The following MYO3A variants were observed in gnomAD, a reference collection of about 807,000 sequenced individuals.
MYO3A encodes the protein myosin-IIIa.
Under a neutral mutation model 192.7 loss-of-function variants are expected in MYO3A, and 180 were observed. That is an observed-to-expected ratio of 0.93 (90% CI 0.83 to 1.06). MYO3A has a LOEUF of 1.06. MYO3A is among the 50% of genes least tolerant of loss of function. MYO3A has a pLI of 0.00. For synonymous variants in MYO3A, 628 were observed against 645.3 expected, an observed-to-expected ratio of 0.97 and a Z score of 0.41; for missense variants, 1,896 against 1,905.0, an observed-to-expected ratio of 1.00 and a Z score of 0.09.
intron 22 of MYO3A, among the ~76,000 whole-genome samples, chr10:26,147,046 T>C (rs1840505451): frequency 6.6e-6 from 1 of 152,202 alleles, no homozygotes; most frequent in South Asian, 2.1e-4. Context: ...AAATCTATCA[T>C]GGCCAATTCA....
chr10:26,108,680 G>A (rs543783540), intron 17 of MYO3A, among the ~76,000 whole-genome samples: 2 of 152,124 alleles, frequency 1.3e-5, no homozygotes, highest in African/African-American at 4.8e-5. Context: ...TCCAAATAGG[G>A]AAATTCTGCT....
At chr10:26,011,929 G>T (rs1483081915) in intron 6 of MYO3A, among the ~76,000 whole-genome samples, 1 of 152,188 alleles carries the variant, frequency 6.6e-6, no homozygotes, top group African/African-American at 2.4e-5. Flanking sequence ...TCCCAGGGAT[G>T]CAGGGATAGT....
chr10:26,126,217 C>G (rs1267574897), intron 19 of MYO3A, among the ~76,000 whole-genome samples: 1 of 152,102 alleles, frequency 6.6e-6, no homozygotes, highest in African/African-American at 2.4e-5. Flanking sequence ...TGAGTGCTCT[C>G]TATAGGCAGG....
At chr10:26,208,973 C>G (rs1844100274) in intron 34 of MYO3A, among the ~76,000 whole-genome samples, 1 of 152,204 alleles carries the variant, frequency 6.6e-6, no homozygotes, top group Non-Finnish European at 1.5e-5. Context: ...TAGGCAGCCC[C>G]TTAGTTACTT....
intron 10 of MYO3A, among the ~76,000 whole-genome samples, chr10:26,055,178 G>C (rs972207142): frequency 1.3e-5 from 2 of 152,036 alleles, no homozygotes; most frequent in Non-Finnish European, 2.9e-5. Context: ...TCTGGCCAAG[G>C]GTAGTGAAAG....
rs970316688 is a variant in MYO3A, at chr10:26,081,138, CCCCCCCCG to C, written c.1360-7059_1360-7052del. 3.1e-3 allele frequency among the ~76,000 whole-genome samples: 326 copies of C among 105,458 alleles called. 15 individuals carry two copies. The highest frequency in any genetic ancestry group is 6.6e-3 in the African/African-American group (219 of 32,934). 69.2% of individuals were successfully genotyped at this position (105,458 alleles called of 152,430 possible). A position where few individuals can be genotyped will look rare whatever the true frequency, so the allele number is the denominator to read the frequency against. ...TTCCCAAGATTATATGCCCTTCCCC[CCCCCCCCG>C]CCCCCGCTACCAGGGTGGGTAGGGA... is the stretch of plus-strand genomic sequence containing the variant. On this transcript the variant is annotated intron_variant, in intron 14 of 34. Coordinates refer to ENST00000642920, the MANE Select transcript of MYO3A (RefSeq NM_017433.5).
chr10:25,960,952 T>C (rs1564407069), intron 4 of MYO3A, among the ~76,000 whole-genome samples: 2 of 152,192 alleles, frequency 1.3e-5, no homozygotes, highest in Non-Finnish European at 2.9e-5. Context: ...TTTACTCATC[T>C]AAGCTTAGTT....
At chr10:26,006,874 C>G (rs921515036) in intron 6 of MYO3A, among the ~76,000 whole-genome samples, 1 of 151,276 alleles carries the variant, frequency 6.6e-6, no homozygotes, top group Non-Finnish European at 1.5e-5. Context: ...CTCCCTAACT[C>G]ATTTTATGAG....
chr10:26,018,737 G>C (rs554372105), intron 7 of MYO3A, among the ~76,000 whole-genome samples: 3 of 152,170 alleles, frequency 2.0e-5, no homozygotes, highest in Non-Finnish European at 4.4e-5. Flanking sequence ...TATGATTCTA[G>C]GACTACAAGC....
chr10:26,195,473 A>G (rs1217215168), intron 32 of MYO3A, among the ~76,000 whole-genome samples: 1 of 152,116 alleles, frequency 6.6e-6, no homozygotes, highest in Non-Finnish European at 1.5e-5. Flanking sequence ...ATTAATATCC[A>G]ATTATACTAT....
chr10:26,205,608 C>CTTTTTTTT (rs576007724), intron 34 of MYO3A, among the ~76,000 whole-genome samples: 36 of 68,614 alleles, frequency 5.2e-4, no homozygotes, highest in East Asian at 1.4e-3. Flanking sequence ...CTTTTCTTTT[C>CTTTTTTTT]TTTTTTTTTT....
intron 4 of MYO3A, among the ~76,000 whole-genome samples, chr10:25,993,839 A>G (rs963386898): frequency 5.3e-5 from 8 of 152,200 alleles, no homozygotes; most frequent in South Asian, 4.1e-4. Context: ...GAGTTTCTTA[A>G]TCCTGAGTTC....
intron 26 of MYO3A, among the ~76,000 whole-genome samples, chr10:26,164,645 C>T (rs1841642819): frequency 6.6e-6 from 1 of 152,120 alleles, no homozygotes; most frequent in South Asian, 2.1e-4. Context: ...GTCAGGAATC[C>T]ACACATCCAC....
intron 4 of MYO3A, among the ~76,000 whole-genome samples, chr10:25,966,306 T>A (rs1838266215): frequency 6.6e-6 from 1 of 152,200 alleles, no homozygotes; most frequent in Non-Finnish European, 1.5e-5. Context: ...ATTCTATAAA[T>A]AGTAATCTGT....
chr10:26,001,462 G>C (rs1840808227), intron 6 of MYO3A, among the ~76,000 whole-genome samples: 1 of 152,226 alleles, frequency 6.6e-6, no homozygotes, highest in South Asian at 2.1e-4. Context: ...CCAGAACTCA[G>C]AGTGTTCTCA....
At chr10:26,050,566 T>C (rs1436625546) in intron 10 of MYO3A, among the ~76,000 whole-genome samples, 1 of 152,248 alleles carries the variant, frequency 6.6e-6, no homozygotes, top group East Asian at 1.9e-4. Flanking sequence ...GTCTCTAAGC[T>C]AAGCGTGGAG....
At chr10:26,156,342 T>C (rs886721480) in intron 25 of MYO3A, among the ~76,000 whole-genome samples, 2 of 152,232 alleles carry the variant, frequency 1.3e-5, no homozygotes, top group African/African-American at 2.4e-5. Flanking sequence ...CAGCCGTCAA[T>C]TGCTATTTGT....
rs566727056 is a variant in MYO3A at position 26,183,012 on chromosome 10, G to A, written c.4438+6167G>A. 1.4e-4 allele frequency among the ~76,000 whole-genome samples: 22 copies of A among 152,304 alleles called. No homozygotes were observed. In the South Asian group the frequency reaches 4.4e-3, roughly 30 times the overall value. On this transcript the variant is annotated intron_variant, in intron 31 of 34. Coordinates refer to ENST00000642920, the MANE Select transcript of MYO3A (RefSeq NM_017433.5). ...ACTAGAACAAAACGAACTGGCTTTTGAGGACTGTAATCCATGCGAGATGAC... is the reference window on the plus strand; with the variant it reads ...ACTAGAACAAAACGAACTGGCTTTTAAGGACTGTAATCCATGCGAGATGAC...
intron 2 of MYO3A, among the ~76,000 whole-genome samples, chr10:25,941,044 C>T (rs539382418): frequency 2.0e-5 from 3 of 152,238 alleles, no homozygotes; most frequent in South Asian, 2.1e-4. Flanking sequence ...TTGTATTAGG[C>T]TGAATCAGTC....
Sources: allele counts gnomAD v4.1 joint callset (sites outside exome capture counted in the v4.1 genomes callset), GRCh38; gene constraint gnomAD v4.1.1; transcripts MANE v1.5; gene names NCBI Gene and HGNC (gene_info 2026-07-23, HGNC 2026-07-21).